The following PRKAR2A variants were observed in gnomAD, a reference collection of about 807,000 sequenced individuals.
The protein encoded by PRKAR2A is cAMP-dependent protein kinase type II-alpha regulatory subunit.
In PRKAR2A, 29 loss-of-function variants were observed where a neutral mutation model predicts 51.9. The observed-to-expected ratio is 0.56, with a 90% CI of 0.42 to 0.76. The LOEUF (loss-of-function observed/expected upper bound fraction) is 0.76, where lower values mean the gene tolerates loss of function less well. Ranked by LOEUF, PRKAR2A falls within the 30% of genes least tolerant of loss-of-function variation. The pLI is 0.00. For synonymous variants in PRKAR2A, 178 were observed against 186.2 expected (o/e 0.96, Z 0.36); for missense variants, 445 against 512.1 (o/e 0.87, Z 1.26).
rs557856611 is a variant in PRKAR2A at position 48,797,348 on chromosome 3, T to C, written c.299-3299A>G. ...CACACCCAGCTAATTTTTATGTTTT[T>C]AGTAGAGACGGGGTTTCACCATGTT... On this transcript the variant is annotated intron_variant, in intron 2 of 10. Transcript: ENST00000265563. 2.6e-5 allele frequency among the ~76,000 whole-genome samples: 4 copies of C among 152,086 alleles called. 1 individual carries two copies. In the Middle Eastern group the frequency reaches 0.01, roughly 388 times the overall value.
chr3:48,786,435 A>AT (rs1196244211), intron 4 of PRKAR2A, among the ~76,000 whole-genome samples: 1 of 148,794 alleles, frequency 6.7e-6, no homozygotes. Flanking sequence ...GATCTGGCAG[A>AT]TTTTTTTACA....
chr3:48,757,729 C>A lies in PRKAR2A; in HGVS notation c.874-1285G>T, dbSNP rs146694074. On this transcript the variant is annotated intron_variant, in intron 8 of 10. Transcript: ENST00000265563. ...CTTGAGGCCAGGAGTTCGACACCAG[C>A]CTGGGCAAAATGGTGAAACCTTGTC... 7.8e-3 allele frequency among the ~76,000 whole-genome samples: 1,179 copies of A among 151,960 alleles called. 11 individuals carry two copies. Among genetic ancestry groups the A allele is most frequent in the African/African-American group, 0.027 (1,123 of 41,448 alleles).
At chr3:48,777,627 G>C (rs375382329) in intron 5 of PRKAR2A, among the ~76,000 whole-genome samples, 1 of 152,054 alleles carries the variant, frequency 6.6e-6, no homozygotes, top group African/African-American at 2.4e-5. Flanking sequence ...GGATGGTCTC[G>C]ATCTCCTGAT....
rs1223936605 is a variant in PRKAR2A, at chr3:48,772,556, CATT to C, written c.696+396_696+398del. Among the ~76,000 whole-genome samples the C allele has an allele frequency of 2.0e-5, 3 of 152,258 alleles. No homozygotes were observed. In the East Asian group the frequency reaches 5.8e-4, roughly 29 times the overall value. On this transcript the variant is annotated intron_variant, in intron 6 of 10. Coordinates refer to ENST00000265563, the MANE Select transcript of PRKAR2A (RefSeq NM_004157.4). Reference sequence around the variant, plus strand: ...CAAATCTATTCTTGAGTTTTTCAATCATTGAGTCCCCAAGTGTGTGACCTATCC... The same window carrying C: ...CAAATCTATTCTTGAGTTTTTCAATCGAGTCCCCAAGTGTGTGACCTATCC...
intron 1 of PRKAR2A, among the ~76,000 whole-genome samples, chr3:48,838,815 A>T (rs1225999433): frequency 7.2e-6 from 1 of 138,966 alleles, no homozygotes; most frequent in Non-Finnish European, 1.6e-5. Flanking sequence ...TGTCTCTACT[A>T]AAAAAAAAAA....
chr3:48,791,285 TAAAAAAAAAAAAAAAAA>T (rs35380085), intron 3 of PRKAR2A, among the ~76,000 whole-genome samples: 4 of 43,778 alleles, frequency 9.1e-5, no homozygotes, highest in African/African-American at 2.8e-4. Context: ...GATTCCATCT[TAAAAAAAAAAAAAAAAA>T]AAAAAAAAAA....
chr3:48,763,744 T>G (rs1210063418), intron 8 of PRKAR2A, among the ~76,000 whole-genome samples: 2 of 152,222 alleles, frequency 1.3e-5, no homozygotes, highest in African/African-American at 4.8e-5. Context: ...TGAAACCATA[T>G]GTATTACTTC....
intron 4 of PRKAR2A, among the ~76,000 whole-genome samples, chr3:48,790,231 C>A (rs1332847598): frequency 6.6e-6 from 1 of 152,098 alleles, no homozygotes; most frequent in African/African-American, 2.4e-5. Context: ...CTCGGAATGG[C>A]ATGCCTTTTA....
chr3:48,779,775 G>A (rs981110797), intron 5 of PRKAR2A, among the ~76,000 whole-genome samples: 4 of 127,142 alleles, frequency 3.1e-5, no homozygotes, highest in Middle Eastern at 3.8e-3. Flanking sequence ...GCAAGACTCC[G>A]TCTCAAAATA....
chr3:48,836,830 A>G (rs79304729), intron 1 of PRKAR2A, among the ~76,000 whole-genome samples: 1 of 151,106 alleles, frequency 6.6e-6, no homozygotes, highest in African/African-American at 2.4e-5. Context: ...AAAAAAAAAA[A>G]TTTTGTTTAG....
chr3:48,804,147 G>A (rs919979407), intron 2 of PRKAR2A, among the ~76,000 whole-genome samples: 3 of 152,156 alleles, frequency 2.0e-5, no homozygotes, highest in African/African-American at 7.2e-5. Context: ...AACAAAGTCG[G>A]TTTAGCAAAG....
At chr3:48,769,771 C>T (rs1400557798) in intron 6 of PRKAR2A, among the ~76,000 whole-genome samples, 2 of 151,922 alleles carry the variant, frequency 1.3e-5, no homozygotes, top group East Asian at 1.9e-4. Flanking sequence ...CCACTACGCC[C>T]GGCAAGCGAC....
At chr3:48,804,938 A>C (rs1473907425) in intron 2 of PRKAR2A, among the ~76,000 whole-genome samples, 1 of 152,026 alleles carries the variant, frequency 6.6e-6, no homozygotes, top group Admixed American at 6.6e-5. Context: ...TTGAGATAGA[A>C]TCTCACTCTG....
intron 1 of PRKAR2A, among the ~76,000 whole-genome samples, chr3:48,836,419 T>TAAAAAAAAAAA (rs548970318): frequency 8.0e-4 from 45 of 56,090 alleles, no homozygotes; most frequent in African/African-American, 2.0e-3. Context: ...AGACTCCGTC[T>TAAAAAAAAAAA]AAAAAAAAAA....
chr3:48,768,870 G>T (rs2081980155), intron 6 of PRKAR2A, among the ~76,000 whole-genome samples: 2 of 151,962 alleles, frequency 1.3e-5, no homozygotes, highest in Admixed American at 1.3e-4. Context: ...AGGCTGAGGT[G>T]GGTGGATCAC....
chr3:48,838,827 A>T (rs1380704059), intron 1 of PRKAR2A, among the ~76,000 whole-genome samples: 1 of 151,098 alleles, frequency 6.6e-6, no homozygotes, highest in Non-Finnish European at 1.5e-5. Flanking sequence ...AAAAAAAAAT[A>T]CAAAAAATTA....
intron 1 of PRKAR2A, among the ~76,000 whole-genome samples, chr3:48,818,039 A>C (rs2082901454): frequency 6.6e-6 from 1 of 152,202 alleles, no homozygotes; most frequent in Non-Finnish European, 1.5e-5. Flanking sequence ...CCATTCCCAA[A>C]TGTGCTAATT....
chr3:48,771,465 C>T lies in PRKAR2A; in HGVS notation c.696+1490G>A, dbSNP rs2082027789. ...CAAGGCTGCAGTTAGCCCCTGCTCA[C>T]ACCAAAAACAATGTTATTTAATTTC... is the stretch of plus-strand genomic sequence containing the variant. On this transcript the variant is annotated intron_variant, in intron 6 of 10. Coordinates refer to ENST00000265563, the MANE Select transcript of PRKAR2A (RefSeq NM_004157.4). Among the ~76,000 whole-genome samples the T allele has an allele frequency of 2.0e-5, 3 of 152,138 alleles. No individual in the cohort carries two copies. In the South Asian group the frequency reaches 6.2e-4, roughly 32 times the overall value.
chr3:48,803,485 C>T (rs960881177), intron 2 of PRKAR2A, among the ~76,000 whole-genome samples: 2 of 152,138 alleles, frequency 1.3e-5, no homozygotes, highest in African/African-American at 4.8e-5. Context: ...AGTGCAATGG[C>T]GAAAGCTCAG....
Sources: gnomAD v4.1 joint callset for allele counts (sites outside exome capture counted in the v4.1 genomes callset) on GRCh38, gnomAD v4.1.1 for gene constraint, MANE v1.5 for transcripts, NCBI Gene and HGNC (gene_info 2026-07-23, HGNC 2026-07-21) for gene names.